Variants in EGR3 observed in about 807,000 individuals in gnomAD.
The protein encoded by EGR3 is early growth response 3, also known as early growth response protein 3.
A neutral mutation model predicts 22.4 loss-of-function variants in EGR3; 4 were observed. The ratio of observed to expected loss-of-function variants is 0.18; its 90% CI spans 0.09 to 0.41. The LOEUF is 0.41. EGR3 is among the 10% of genes least tolerant of loss of function. The pLI is 1.00. For synonymous variants in EGR3, 219 were observed against 226.8 expected, an observed-to-expected ratio of 0.97 and a Z score of 0.31; for missense variants, 315 against 541.3, an observed-to-expected ratio of 0.58 and a Z score of 4.15.
At position 22,692,439 on chromosome 8, in the gene EGR3, T is replaced by C. The variant is rs1384447856; in HGVS notation, c.154+352A>G. ...GGGCGACAGCACCACGCCTTGCGCG[T>C]AGCCCGGCGATCGGGCCCCCTGCGT... On this transcript the variant is annotated intron_variant, in intron 1 of 1. Coordinates refer to ENST00000317216, the MANE Select transcript of EGR3 (RefSeq NM_004430.3). This position sits in a 1 kb window ranked among gnomAD's most constrained non-coding sequence, Gnocchi z 6.2. 2 of 1,423,034 alleles carry C rather than the reference T, an allele frequency of 1.4e-6. No individual in the cohort carries two copies. Among genetic ancestry groups the C allele is most frequent in the African/African-American group, 2.9e-5 (2 of 68,850 alleles). The allele number at this position is 1,423,034 out of a possible 1,614,324, so 88.2% of individuals were successfully genotyped here.
rs534979784 is a variant in EGR3 at position 22,691,798 on chromosome 8, G to T, written c.155-316C>A. 2.3e-5 allele frequency: 23 copies of T among 985,412 alleles called. 1 individual carries two copies. In the South Asian group the frequency reaches 1.0e-3, roughly 44 times the overall value. The allele number at this position is 985,412 out of a possible 1,614,324, so 61.0% of individuals were successfully genotyped here. On this transcript the variant is annotated intron_variant, in intron 1 of 1. Coordinates refer to ENST00000317216, the MANE Select transcript of EGR3 (RefSeq NM_004430.3). ...ATTGTTGTTCTTCCCGAGGTGGGGC[G>T]GGCAGGTAGCTGCAGCTACAGGTAG...
rs1442345788 is a variant in EGR3 at position 22,691,731 on chromosome 8, ACACT to A, written c.155-253_155-250del. On this transcript the variant is annotated intron_variant, in intron 1 of 1. Transcript: ENST00000317216. ...CACACACAGCGCACAAGCCGCGCACACACTCACGTACCACACACACACGCGCGCG... is the reference window on the plus strand; with the variant it reads ...CACACACAGCGCACAAGCCGCGCACACACGTACCACACACACACGCGCGCG... 7 of 985,244 alleles carry A rather than the reference ACACT, an allele frequency of 7.1e-6. No individual in the cohort carries two copies. The African/African-American group carries it at 1.2e-4, about 17-fold the overall frequency. The allele number at this position is 985,244 out of a possible 1,614,324, so 61.0% of individuals were successfully genotyped here.
In EGR3 at chr8:22,693,260, G is replaced by C. The variant is rs1030899270; in HGVS notation, c.-316C>G. On this transcript the variant is annotated 5_prime_UTR_variant, in exon 1 of 2. Coordinates refer to ENST00000317216, the MANE Select transcript of EGR3 (RefSeq NM_004430.3). The stretch of plus-strand genomic sequence containing the variant: ...GTGGGGTGGGGGCTGGGCTGGGGGG[G>C]GATCTCGGCTCAAGGGGGTCGGACG... 1 of 141,052 alleles carries C rather than the reference G, an allele frequency of 7.1e-6. No individual in the cohort carries two copies. Among genetic ancestry groups the C allele is most frequent in the African/African-American group, 2.8e-5 (1 of 35,762 alleles). The allele number at this position is 141,052 out of a possible 1,614,324, so 8.7% of individuals were successfully genotyped here. A position where few individuals can be genotyped will look rare whatever the true frequency, so the allele number is the denominator to read the frequency against.
chr8:22,692,227 A>AC lies in EGR3; in HGVS notation c.154+563dup. 6.9e-7 allele frequency: 1 copy of AC among 1,439,480 alleles called. No individual in the cohort carries two copies. Among genetic ancestry groups the AC allele is most frequent in the South Asian group, 1.4e-5 (1 of 71,716 alleles). The allele number at this position is 1,439,480 out of a possible 1,614,324, so 89.2% of individuals were successfully genotyped here. A position where few individuals can be genotyped will look rare whatever the true frequency, so the allele number is the denominator to read the frequency against. On this transcript the variant is annotated intron_variant, in intron 1 of 1. Coordinates refer to ENST00000317216, the MANE Select transcript of EGR3 (RefSeq NM_004430.3). This position sits in a 1 kb window ranked among gnomAD's most constrained non-coding sequence, Gnocchi z 6.2. ...TGGCAGGCCCTCGCCCCGCGGGTGAACCCCCTCCTTCTCCCCGCCGTCCCC... is the reference window on the plus strand; with the variant it reads ...TGGCAGGCCCTCGCCCCGCGGGTGAACCCCCCTCCTTCTCCCCGCCGTCCCC...
chr8:22,690,761 C>G lies in EGR3; in HGVS notation c.876G>C (p.Leu292=). 1 of 1,613,810 alleles carries G rather than the reference C, an allele frequency of 6.2e-7. No individual in the cohort carries two copies. The change falls in exon 2 of 2, where the codon CTG becomes CTC. Residue 292 remains leucine (L), a synonymous_variant. Coordinates refer to ENST00000317216, the MANE Select transcript of EGR3 (RefSeq NM_004430.3). ...CCGTGTGGATGCGCAGGTGCCGGGT[C>G]AGCTCGTCCGAACGGCTGAAACGGC... is the stretch of plus-strand genomic sequence containing the variant. ...CDRRFSRSDE[L]TRHLRIHTGH... is the part of the protein sequence containing the mutation.
Position 22,692,102 on chromosome 8 carries a change from C to G in EGR3, c.155-620G>C. On this transcript the variant is annotated intron_variant, in intron 1 of 1. Transcript: ENST00000317216. This position sits in a 1 kb window ranked among gnomAD's most constrained non-coding sequence, Gnocchi z 6.2. Reference sequence around the variant, plus strand: ...TCTTGCTGGAGGGGAAAATCCTAGCCCCAGCTAGGGAGGGTGGAGAGCGGC... The same window carrying G: ...TCTTGCTGGAGGGGAAAATCCTAGCGCCAGCTAGGGAGGGTGGAGAGCGGC... 7.4e-7 allele frequency: 1 copy of G among 1,359,082 alleles called. No individual in the cohort carries two copies. Among genetic ancestry groups the G allele is most frequent in the African/African-American group, 1.5e-5 (1 of 65,442 alleles). The allele number at this position is 1,359,082 out of a possible 1,614,324, so 84.2% of individuals were successfully genotyped here. A position where few individuals can be genotyped will look rare whatever the true frequency, so the allele number is the denominator to read the frequency against.
rs1466503509 is a variant in EGR3 at position 22,692,491 on chromosome 8, G to C, written c.154+300C>G. 7 of 1,427,792 alleles carry C rather than the reference G, an allele frequency of 4.9e-6. No homozygotes were observed. The highest frequency in any genetic ancestry group is 2.9e-5 in the Admixed American group (1 of 34,560). 88.4% of individuals were successfully genotyped at this position (1,427,792 alleles called of 1,614,324 possible). ...GTGAGGGAGAACCCCAGAGCCGCTC[G>C]CACCTACCTCCCTCCGGTCGGCGGC... On this transcript the variant is annotated intron_variant, in intron 1 of 1. Coordinates refer to ENST00000317216, the MANE Select transcript of EGR3 (RefSeq NM_004430.3). The surrounding 1 kb of genome is among the most constrained non-coding windows in gnomAD (Gnocchi z 6.2).
At position 22,687,886 on chromosome 8, in the gene EGR3, G is replaced by A. The variant is rs1334385226; in HGVS notation, c.*2587C>T. 6.6e-6 allele frequency: 1 copy of A among 152,532 alleles called. No individual in the cohort carries two copies. The highest frequency in any genetic ancestry group is 2.4e-5 in the African/African-American group (1 of 41,398). The allele number at this position is 152,532 out of a possible 1,614,324, so 9.4% of individuals were successfully genotyped here. A position where few individuals can be genotyped will look rare whatever the true frequency, so the allele number is the denominator to read the frequency against. ...TGACAAAGGAGCAAATGAAATGTTGGTGAAGAATTTCACCTTTTCACAATA... is the reference window on the plus strand; with the variant it reads ...TGACAAAGGAGCAAATGAAATGTTGATGAAGAATTTCACCTTTTCACAATA... On this transcript the variant is annotated 3_prime_UTR_variant, in exon 2 of 2. Transcript: ENST00000317216. This position sits in a 1 kb window ranked among gnomAD's most constrained non-coding sequence, Gnocchi z 4.7.
Position 22,692,873 on chromosome 8 carries a change from C to A in EGR3, c.72G>T (p.Leu24=). The change falls in exon 1 of 2, where the codon CTG becomes CTT. Residue 24 remains leucine (L), a synonymous_variant. Transcript: ENST00000317216. The surrounding 1 kb of genome is among the most constrained non-coding windows in gnomAD (Gnocchi z 6.2). ...GCGCGCTGGGGATCTCCTCGGGGTA[C>A]AGATTGTCAGGCAGTTGGTTTAGCA... The part of the protein sequence containing the change: ...SSLLNQLPDN[L]YPEEIPSALN... 1 of 1,613,216 alleles carries A rather than the reference C, an allele frequency of 6.2e-7. No homozygotes were observed. The highest frequency in any genetic ancestry group is 8.5e-7 in the Non-Finnish European group (1 of 1,179,834).
chr8:22,692,577 C>T lies in EGR3; in HGVS notation c.154+214G>A. 7.1e-7 allele frequency: 1 copy of T among 1,414,220 alleles called. No homozygotes were observed. The highest frequency in any genetic ancestry group is 1.5e-5 in the South Asian group (1 of 68,528). 87.6% of individuals were successfully genotyped at this position (1,414,220 alleles called of 1,614,324 possible). Reference sequence around the variant, plus strand: ...GCGTCGCCAACCTAGCCTTCTCGATCGAGGAGGGCGGGAGGAGTGGGTGGG... The same window carrying T: ...GCGTCGCCAACCTAGCCTTCTCGATTGAGGAGGGCGGGAGGAGTGGGTGGG... On this transcript the variant is annotated intron_variant, in intron 1 of 1. Coordinates refer to ENST00000317216, the MANE Select transcript of EGR3 (RefSeq NM_004430.3). This position sits in a 1 kb window ranked among gnomAD's most constrained non-coding sequence, Gnocchi z 6.2.
Position 22,693,385 on chromosome 8 carries a change from G to A in EGR3, c.-441C>T, listed in dbSNP as rs1354664099. ...CACCGCCACCGCCGCCGCCGCCGCC[G>A]CCGCCGCCGCCGCCTCTGCCGCCGC... On this transcript the variant is annotated 5_prime_UTR_variant, in exon 1 of 2. Transcript: ENST00000317216. 4.5e-5 allele frequency: 6 copies of A among 134,682 alleles called. No homozygotes were observed. In the East Asian group the frequency reaches 6.8e-4, roughly 15 times the overall value. The allele number at this position is 134,682 out of a possible 1,614,324, so 8.3% of individuals were successfully genotyped here.
At chr8:22,691,990 G>A in intron 1 of EGR3, 1 of 1,275,110 alleles carries the variant, frequency 7.8e-7, no homozygotes, top group Non-Finnish European at 9.9e-7. Context: ...CTTTGTCCTC[G>A]GAGCGTAGAA....
rs755506014 is a variant in EGR3, at chr8:22,690,847, G to T, written c.790C>A (p.Arg264=). The change falls in exon 2 of 2, where the codon CGG becomes AGG. Residue 264 remains arginine, a synonymous_variant. Coordinates refer to ENST00000317216, the MANE Select transcript of EGR3 (RefSeq NM_004430.3). ...TCGTGGAGCGGTGTCTTGCTAGGCC[G>T]GTTGGGGTACTTGCGGGGCCGGATG... ...KPIRPRKYPN[R]PSKTPLHERP... 14 of 1,604,870 alleles carry T rather than the reference G, an allele frequency of 8.7e-6. No individual in the cohort carries two copies. Among genetic ancestry groups the T allele is most frequent in the Admixed American group, 1.7e-5 (1 of 59,680 alleles).
Position 22,691,261 on chromosome 8 carries a change from T to C in EGR3, c.376A>G (p.Thr126Ala), listed in dbSNP as rs1242834683. 1.2e-6 allele frequency: 2 copies of C among 1,613,956 alleles called. 1 individual carries two copies. Among genetic ancestry groups the C allele is most frequent in the South Asian group, 2.2e-5 (2 of 91,080 alleles). Residue 126 changes from threonine to alanine, a missense_variant, in exon 2 of 2, where the codon ACG becomes GCG. Transcript: ENST00000317216. Reference protein sequence around the residue: ...ASGALSTQTSTASMVQPPQGD... With the variant: ...ASGALSTQTSAASMVQPPQGD... ...TGCGGTGGCTGCACCATGCTGGCCG[T>C]GGACGTCTGCGTGCTGAGCGCCCCT...
At position 22,692,958 on chromosome 8, in the gene EGR3, T is replaced by G. The variant is rs1563184605; in HGVS notation, c.-14A>C. ...TTTGCCGGTCATAGCACTCCCGAGCTGCCGCCGCCGCCGCCACCGCCGCCA... is the reference window on the plus strand; with the variant it reads ...TTTGCCGGTCATAGCACTCCCGAGCGGCCGCCGCCGCCGCCACCGCCGCCA... On this transcript the variant is annotated 5_prime_UTR_variant, in exon 1 of 2. Transcript: ENST00000317216. The surrounding 1 kb of genome is among the most constrained non-coding windows in gnomAD (Gnocchi z 6.2). 2.4e-5 allele frequency: 38 copies of G among 1,599,094 alleles called. No individual in the cohort carries two copies. Among genetic ancestry groups the G allele is most frequent in the Non-Finnish European group, 3.2e-5 (38 of 1,175,132 alleles).
In EGR3 at chr8:22,692,499, C is replaced by A; in HGVS notation, c.154+292G>T. The A allele has an allele frequency of 7.0e-7, 1 of 1,428,538 alleles. No homozygotes were observed. Among genetic ancestry groups the A allele is most frequent in the Non-Finnish European group, 9.1e-7 (1 of 1,095,718 alleles). 88.5% of individuals were successfully genotyped at this position (1,428,538 alleles called of 1,614,324 possible). ...GAACCCCAGAGCCGCTCGCACCTAC[C>A]TCCCTCCGGTCGGCGGCTGCCCCCA... On this transcript the variant is annotated intron_variant, in intron 1 of 1. Coordinates refer to ENST00000317216, the MANE Select transcript of EGR3 (RefSeq NM_004430.3). The surrounding 1 kb of genome is among the most constrained non-coding windows in gnomAD (Gnocchi z 6.2).
At position 22,688,311 on chromosome 8, in the gene EGR3, T is replaced by A. The variant is rs1411321696; in HGVS notation, c.*2162A>T. The A allele has an allele frequency of 6.5e-6, 1 of 152,676 alleles. No homozygotes were observed. The highest frequency in any genetic ancestry group is 2.4e-5 in the African/African-American group (1 of 41,470). The allele number at this position is 152,676 out of a possible 1,614,324, so 9.5% of individuals were successfully genotyped here. A position where few individuals can be genotyped will look rare whatever the true frequency, so the allele number is the denominator to read the frequency against. On this transcript the variant is annotated 3_prime_UTR_variant, in exon 2 of 2. Coordinates refer to ENST00000317216, the MANE Select transcript of EGR3 (RefSeq NM_004430.3). The stretch of plus-strand genomic sequence containing the variant: ...CGAGGAAAAAATATTAAAGGGTATC[T>A]GATTCCTCCTTCTAGCTTGGAAGTG...
In EGR3 at chr8:22,692,782, C is replaced by T. The variant is rs1230052475; in HGVS notation, c.154+9G>A. The T allele has an allele frequency of 1.2e-6, 2 of 1,613,572 alleles. No homozygotes were observed. The highest frequency in any genetic ancestry group is 1.7e-5 in the Admixed American group (1 of 60,012). ...CCTCGCTGCCTCGCCGCCTCCCCGC[C>T]GCCCTTACCTGTAGCCATCTGATTG... On this transcript the variant is annotated intron_variant, in intron 1 of 1. Coordinates refer to ENST00000317216, the MANE Select transcript of EGR3 (RefSeq NM_004430.3). This position sits in a 1 kb window ranked among gnomAD's most constrained non-coding sequence, Gnocchi z 6.2.
At position 22,691,497 on chromosome 8, in the gene EGR3, G is replaced by C. The variant is rs1473687869; in HGVS notation, c.155-15C>G. ...CATTACATTCTCTGCGGAGAGCGGG[G>C]GAGAGAGGGGAGGGGTGAGTGAAGC... On this transcript the variant is annotated splice_polypyrimidine_tract_variant and intron_variant, in intron 1 of 1. Transcript: ENST00000317216. 6.2e-7 allele frequency: 1 copy of C among 1,610,094 alleles called. No homozygotes were observed. The highest frequency in any genetic ancestry group is 1.1e-5 in the South Asian group (1 of 91,006).
Sources: allele counts gnomAD v4.1 joint callset, GRCh38; gene constraint gnomAD v4.1.1; non-coding constraint Gnocchi (gnomAD v3.1); transcripts MANE v1.5; gene names NCBI Gene and HGNC (gene_info 2026-07-23, HGNC 2026-07-21).